The following GANC variants were observed in gnomAD, a reference collection of about 807,000 sequenced individuals.
GANC encodes the protein neutral alpha-glucosidase C.
A neutral mutation model predicts 124.2 loss-of-function variants in GANC; 117 were observed. The observed-to-expected ratio is 0.94, with a 90% confidence interval of 0.81 to 1.10. The LOEUF (loss-of-function observed/expected upper bound fraction) is 1.10. Ranked by LOEUF, GANC falls within the 50% of genes least tolerant of loss-of-function variation. The pLI is 0.00. For missense variants in GANC, 1,140 were observed against 1,095.0 expected (o/e 1.04, Z -0.58); for synonymous variants, 377 against 376.8 (o/e 1.00, Z -0.01).
rs756547391 is a variant in GANC, at chr15:42,351,436, A to C, written c.2635+4A>C. 6.3e-7 allele frequency: 1 copy of C among 1,598,130 alleles called. No homozygotes were observed. Among genetic ancestry groups the C allele is most frequent in the Admixed American group, 1.7e-5 (1 of 59,996 alleles). ...TCTGTGACTACCCACTCATCTGGTG[A>C]GAAAGCAGTCCATTCTTACCTCACC... On this transcript the variant is annotated splice_donor_region_variant and intron_variant, in intron 23 of 23. Coordinates refer to ENST00000318010, the MANE Select transcript of GANC (RefSeq NM_198141.3).
chr15:42,287,422 A>G (rs2051800472), intron 3 of GANC, among the ~76,000 whole-genome samples: 1 of 152,198 alleles, frequency 6.6e-6, no homozygotes, highest in Non-Finnish European at 1.5e-5. Flanking sequence ...TTATTAATAG[A>G]GACTTCTTTC....
At chr15:42,291,621 A>G (rs2051842886) in intron 4 of GANC, among the ~76,000 whole-genome samples, 1 of 152,146 alleles carries the variant, frequency 6.6e-6, no homozygotes, top group African/African-American at 2.4e-5. Context: ...TGATGCCGTT[A>G]AAATGGTCTC....
chr15:42,339,911 A>G lies in GANC; in HGVS notation c.2086A>G (p.Arg696Gly), dbSNP rs762900842. 3 of 1,611,524 alleles carry G rather than the reference A, an allele frequency of 1.9e-6. No individual in the cohort carries two copies. The highest frequency in any genetic ancestry group is 1.3e-5 in the African/African-American group (1 of 74,792). ...ACACGTGGCTTCCCAACCTGTCATGAGGTAAAAAAGCTTCATCCATTCAGG... is the reference window on the plus strand; with the variant it reads ...ACACGTGGCTTCCCAACCTGTCATGGGGTAAAAAAGCTTCATCCATTCAGG... ...HAHVASQPVMRPLWVEFPDEL... is the reference protein window; with the variant it reads ...HAHVASQPVMGPLWVEFPDEL... Residue 696 changes from arginine (R) to glycine (G), a missense_variant and splice_region_variant, in exon 17 of 24, where the codon AGG becomes GGG. Arg to Gly is a moderately radical substitution (Grantham distance 125). Transcript: ENST00000318010.
In GANC at chr15:42,353,342, C is replaced by T. The variant is rs2052475602; in HGVS notation, c.*1203C>T. ...GGGCGCCAATATCCTCCTGCCCTTA[C>T]CATCCTTCCAGGCCCAACTTAAATC... On this transcript the variant is annotated 3_prime_UTR_variant, in exon 24 of 24. Transcript: ENST00000318010. The T allele has an allele frequency of 1.1e-5, 11 of 986,154 alleles. No individual in the cohort carries two copies. Among genetic ancestry groups the T allele is most frequent in the Non-Finnish European group, 1.3e-5 (11 of 830,182 alleles). The allele number at this position is 986,154 out of a possible 1,614,324, so 61.1% of individuals were successfully genotyped here.
At chr15:42,325,287 A>C (rs8042666) in intron 11 of GANC, among the ~76,000 whole-genome samples, 15,295 of 151,848 alleles carry the variant, frequency 0.1, 886 homozygotes, top group South Asian at 0.19. Flanking sequence ...AACAAACAAA[A>C]AAAAAAATTT....
chr15:42,287,595 A>C (rs1366877408), intron 3 of GANC, 96 bp from the exon 4 acceptor site: 7 of 1,356,948 alleles, frequency 5.2e-6, no homozygotes, highest in Non-Finnish European at 7.0e-6. Flanking sequence ...GGCCTATCAT[A>C]ATTGAAACAA....
At chr15:42,330,518 G>T (rs980253181) in intron 14 of GANC, 58 bp from the exon 15 acceptor site, 2 of 1,194,780 alleles carry the variant, frequency 1.7e-6, no homozygotes, top group African/African-American at 1.5e-5. Context: ...ATAGCTTATT[G>T]GGGATGTCTG....
intron 4 of GANC, among the ~76,000 whole-genome samples, chr15:42,289,326 A>G (rs1189132801): frequency 1.3e-5 from 2 of 152,182 alleles, no homozygotes; most frequent in Non-Finnish European, 2.9e-5. Flanking sequence ...TCTCTGAATC[A>G]TAGCTAAGGT....
At position 42,273,531 on chromosome 15, in the gene GANC, T is replaced by A; in HGVS notation, c.-951T>A. The A allele has an allele frequency of 1.4e-6, 2 of 1,436,310 alleles. No homozygotes were observed. Among genetic ancestry groups the A allele is most frequent in the Non-Finnish European group, 1.9e-6 (2 of 1,079,558 alleles). The allele number at this position is 1,436,310 out of a possible 1,614,324, so 89.0% of individuals were successfully genotyped here. A position where few individuals can be genotyped will look rare whatever the true frequency, so the allele number is the denominator to read the frequency against. Reference sequence around the variant, plus strand: ...CGCGGAGCTTGTTTGCTGTGCGGCGTAGCGGCCCCTCTCTCAGACAGTCGT... The same window carrying A: ...CGCGGAGCTTGTTTGCTGTGCGGCGAAGCGGCCCCTCTCTCAGACAGTCGT... On this transcript the variant is annotated 5_prime_UTR_variant, in exon 1 of 24. Coordinates refer to ENST00000318010, the MANE Select transcript of GANC (RefSeq NM_198141.3).
chr15:42,273,210 C>T lies in GANC; in HGVS notation c.-1272C>T, dbSNP rs755510826. On this transcript the variant is annotated 5_prime_UTR_variant, in exon 1 of 24. Coordinates refer to ENST00000318010, the MANE Select transcript of GANC (RefSeq NM_198141.3). ...GACCCCTTGGGCCGCCGTAGCCCCA[C>T]CCCTTGCTCCTCTAGGTTCAGACGT... is the stretch of plus-strand genomic sequence containing the variant. 9 of 1,609,616 alleles carry T rather than the reference C, an allele frequency of 5.6e-6. No homozygotes were observed. Among genetic ancestry groups the T allele is most frequent in the Non-Finnish European group, 7.6e-6 (9 of 1,176,546 alleles).
intron 10 of GANC, chr15:42,314,118 T>C: frequency 2.7e-6 from 2 of 747,652 alleles, no homozygotes; most frequent in East Asian, 2.5e-5. Flanking sequence ...AGGAAGATAC[T>C]GAGAAAAGGA....
chr15:42,330,668 G>T lies in GANC; in HGVS notation c.1737G>T (p.Lys579Asn), dbSNP rs1380510849. ...LTRSFFAGSQ[K>N]YGAVWTGDNT... ...GTTCTTTCTTTGCTGGATCACAAAA[G>T]TATGGTAAGGAATGGCTCATATCAG... The change falls in exon 15 of 24, where the codon AAG (lysine) becomes AAT (asparagine). Residue 579 changes from lysine to asparagine, a missense_variant. Transcript: ENST00000318010. 1 of 1,585,138 alleles carries T rather than the reference G, an allele frequency of 6.3e-7. No individual in the cohort carries two copies. Among genetic ancestry groups the T allele is most frequent in the African/African-American group, 1.4e-5 (1 of 73,204 alleles).
chr15:42,350,983 T>C (rs748328836), intron 22 of GANC, among the ~76,000 whole-genome samples: 119 of 152,122 alleles, frequency 7.8e-4, no homozygotes, highest in Non-Finnish European at 1.3e-3. Flanking sequence ...GGGATTCTCG[T>C]GTCTCAGCCT....
At chr15:42,288,617 A>G (rs1432249849) in intron 4 of GANC, among the ~76,000 whole-genome samples, 15 of 152,232 alleles carry the variant, frequency 9.9e-5, no homozygotes, top group Admixed American at 7.9e-4. Context: ...AGAATCATCA[A>G]AAGTTTAAAA....
chr15:42,338,274 C>T, intron 15 of GANC, 115 bp from the exon 16 acceptor site: 1 of 558,720 alleles, frequency 1.8e-6, no homozygotes, highest in Non-Finnish European at 3.1e-6. Context: ...TATTTTAAGG[C>T]AAGAAATTGG....
chr15:42,300,187 A>G (rs2051932090), intron 6 of GANC, among the ~76,000 whole-genome samples: 2 of 152,100 alleles, frequency 1.3e-5, no homozygotes, highest in Admixed American at 6.6e-5. Context: ...AACCTACAGA[A>G]TGGGTGAAAA....
intron 2 of GANC, chr15:42,278,187 A>G: frequency 4.6e-6 from 1 of 215,688 alleles, no homozygotes; most frequent in South Asian, 6.3e-5. Flanking sequence ...GAAATTAACA[A>G]GTTCACAAAT....
Position 42,276,387 on chromosome 15 carries a change from C to T in GANC, c.69C>T (p.Asp23=), listed in dbSNP as rs771916838. ...CTGTAGATAAAAACATTTTCAGAGA[C>T]TGTAACAAGATCGCATTTTACAGGT... ...DEAVDKNIFR[D]CNKIAFYRRQ... is the part of the protein sequence containing the mutation. Residue 23 remains aspartate (D), a synonymous_variant, in exon 2 of 24, where the codon GAC becomes GAT. Coordinates refer to ENST00000318010, the MANE Select transcript of GANC (RefSeq NM_198141.3). 7.0e-7 allele frequency: 1 copy of T among 1,438,678 alleles called. No individual in the cohort carries two copies. The highest frequency in any genetic ancestry group is 1.1e-5 in the South Asian group (1 of 87,256). 89.1% of individuals were successfully genotyped at this position (1,438,678 alleles called of 1,614,324 possible).
chr15:42,347,891 A>G (rs1283450804), intron 20 of GANC, among the ~76,000 whole-genome samples: 3 of 152,190 alleles, frequency 2.0e-5, no homozygotes, highest in African/African-American at 7.2e-5. Context: ...AGTTTCCCTA[A>G]TAATTAAAAA....
Sources: gnomAD v4.1 joint callset for allele counts (sites outside exome capture counted in the v4.1 genomes callset) on GRCh38, gnomAD v4.1.1 for gene constraint, MANE v1.5 for transcripts, NCBI Gene and HGNC (gene_info 2026-07-23, HGNC 2026-07-21) for gene names.